TARBP1: variants seen among roughly 807,000 people sequenced by gnomAD.
The protein encoded by TARBP1 is tRNA (guanosine(18)-2'-O)-methyltransferase TARBP1.
TARBP1 carries 144 observed loss-of-function variants against 178.6 expected under a neutral mutation model. That is an observed-to-expected ratio of 0.81 (90% CI 0.70 to 0.93). The LOEUF is 0.93. Among genes scored for constraint, TARBP1 ranks in the 40% least tolerant of loss-of-function variants. TARBP1 has a pLI of 0.00. For missense variants in TARBP1, 2,067 were observed against 2,011.7 expected (o/e 1.03, Z -0.53); for synonymous variants, 787 against 781.0 (o/e 1.01, Z -0.13).
chr1:234,420,655 A>G, intron 21 of TARBP1, 47 bp downstream of exon 21: 2 of 1,265,422 alleles, frequency 1.6e-6, no homozygotes. Flanking sequence ...TAGTTCAGTC[A>G]TGAAATCATA....
intron 29 of TARBP1, 27 bp downstream of exon 29, chr1:234,392,389 A>G (rs1283697779): frequency 1.2e-6 from 2 of 1,609,720 alleles, no homozygotes; most frequent in Middle Eastern, 1.7e-4. Context: ...CTCAGAGAAT[A>G]TACTATGGAC....
intron 22 of TARBP1, among the ~76,000 whole-genome samples, chr1:234,413,012 C>T (rs188726760): frequency 1.7e-4 from 26 of 152,286 alleles, no homozygotes; most frequent in East Asian, 7.7e-4. Flanking sequence ...ACCCCCGACC[C>T]GCCGGAAAGC....
In TARBP1 at chr1:234,478,537, C is replaced by A; in HGVS notation, c.567G>T (p.Ala189=). 7.3e-7 allele frequency: 1 copy of A among 1,363,494 alleles called. No individual in the cohort carries two copies. Among genetic ancestry groups the A allele is most frequent in the South Asian group, 1.6e-5 (1 of 64,472 alleles). The allele number at this position is 1,363,494 out of a possible 1,614,324, so 84.5% of individuals were successfully genotyped here. ...CTGGCAGCAGTCGCCCGGCCACCAG[C>A]GCCGCCGCGTCCTCGGCAGGCCCGG... ...DEAGPAEDAA[A]LVAGRLLPVL... Residue 189 remains alanine, a synonymous_variant, in exon 1 of 30, where the codon GCG becomes GCT. Coordinates refer to ENST00000040877, the MANE Select transcript of TARBP1 (RefSeq NM_005646.4).
rs1666198437 is a variant in TARBP1 at position 234,446,642 on chromosome 1, A to G, written c.2134+161T>C. On this transcript the variant is annotated intron_variant, in intron 12 of 29. Coordinates refer to ENST00000040877, the MANE Select transcript of TARBP1 (RefSeq NM_005646.4). ...AATAAATATTTTTCTTAAATTATAT[A>G]ATTTCTTAATATATAATTATATAAT... Among the ~76,000 whole-genome samples the G allele has an allele frequency of 1.3e-5, 2 of 149,364 alleles. 1 individual carries two copies. The highest frequency in any genetic ancestry group is 4.2e-4 in the South Asian group (2 of 4,812).
At chr1:234,463,774 T>C (rs1245090886) in intron 6 of TARBP1, 63 bp downstream of exon 6, 3 of 938,078 alleles carry the variant, frequency 3.2e-6, no homozygotes, top group Non-Finnish European at 4.6e-6. Context: ...ATAACCAATT[T>C]GCTAAAAAAA....
intron 20 of TARBP1, among the ~76,000 whole-genome samples, chr1:234,422,422 G>C (rs270521): frequency 0.47 from 71,837 of 152,034 alleles, 17,162 homozygotes; most frequent in African/African-American, 0.5. Flanking sequence ...ATGAGATCCT[G>C]TCATCTGCAA....
intron 22 of TARBP1, 146 bp from the exon 23 acceptor site, chr1:234,410,677 C>T (rs1661717533): frequency 1.8e-6 from 1 of 568,718 alleles, no homozygotes; most frequent in Non-Finnish European, 3.2e-6. Flanking sequence ...GGGAAGGGGG[C>T]TGCGGCAACA....
chr1:234,450,610 A>AACCTTC, intron 9 of TARBP1, 44 bp from the exon 10 acceptor site: 1 of 1,581,330 alleles, frequency 6.3e-7, no homozygotes, highest in Non-Finnish European at 8.6e-7. Flanking sequence ...AAACCTAACC[A>AACCTTC]AACAAAGGAT....
intron 1 of TARBP1, among the ~76,000 whole-genome samples, chr1:234,476,933 C>T (rs987281210): frequency 6.6e-6 from 1 of 152,240 alleles, no homozygotes; most frequent in Admixed American, 6.5e-5. Context: ...CGCCTGTAAT[C>T]CCAGCGCTTT....
intron 1 of TARBP1, among the ~76,000 whole-genome samples, chr1:234,477,832 T>C (rs1301209626): frequency 1.3e-5 from 2 of 152,210 alleles, no homozygotes; most frequent in African/African-American, 4.8e-5. Flanking sequence ...ACTTGATAGA[T>C]ATCAACCGTT....
intron 12 of TARBP1, 85 bp downstream of exon 12, chr1:234,446,718 T>G: frequency 1.3e-5 from 14 of 1,098,372 alleles, no homozygotes; most frequent in Non-Finnish European, 1.6e-5. Flanking sequence ...TCTCTTTGTT[T>G]TAAAAAGACG....
chr1:234,472,029 G>C (rs911205501), intron 2 of TARBP1, among the ~76,000 whole-genome samples: 1 of 152,172 alleles, frequency 6.6e-6, no homozygotes, highest in South Asian at 2.1e-4. Context: ...TATCACCTGG[G>C]AACTTGTAAA....
intron 14 of TARBP1, among the ~76,000 whole-genome samples, chr1:234,432,997 T>C (rs1295552745): frequency 6.6e-6 from 1 of 152,228 alleles, no homozygotes; most frequent in African/African-American, 2.4e-5. Flanking sequence ...CCCAGCACTT[T>C]GGGAGGCCAA....
intron 4 of TARBP1, among the ~76,000 whole-genome samples, chr1:234,467,051 C>T (rs1218599673): frequency 6.6e-6 from 1 of 152,160 alleles, no homozygotes; most frequent in Admixed American, 6.5e-5. Context: ...AATGGAAGTA[C>T]AGATTCTAAT....
intron 24 of TARBP1, among the ~76,000 whole-genome samples, chr1:234,403,411 C>T (rs10910427): frequency 0.44 from 67,397 of 152,044 alleles, 15,014 homozygotes; most frequent in East Asian, 0.49. Context: ...CCAGACTGAA[C>T]AGTCTGTATT....
chr1:234,414,105 T>C (rs879191221), intron 22 of TARBP1, among the ~76,000 whole-genome samples: 4 of 152,146 alleles, frequency 2.6e-5, no homozygotes, highest in Admixed American at 2.6e-4. Flanking sequence ...ACTTGTTCTG[T>C]AAAGGGCCAA....
At position 234,446,927 on chromosome 1, in the gene TARBP1, A is replaced by G; in HGVS notation, c.2010T>C (p.Leu670=). The change falls in exon 12 of 30, where the codon CTT becomes CTC. Residue 670 remains leucine (L), a synonymous_variant. Coordinates refer to ENST00000040877, the MANE Select transcript of TARBP1 (RefSeq NM_005646.4). ...TACTAAACTTCATAAGCACATCCAG[A>G]AGAGGGTCTAAGAATATCCGCAATA... ...ENVLRIFLDP[L]LDVLMKFSTN... is the part of the protein sequence containing the mutation. 1 of 1,613,890 alleles carries G rather than the reference A, an allele frequency of 6.2e-7. No homozygotes were observed. The highest frequency in any genetic ancestry group is 1.1e-5 in the South Asian group (1 of 91,054).
In TARBP1 at chr1:234,446,950, A is replaced by G. The variant is rs1480294293; in HGVS notation, c.1987T>C (p.Leu663=). 1.2e-6 allele frequency: 2 copies of G among 1,613,652 alleles called. No individual in the cohort carries two copies. Among genetic ancestry groups the G allele is most frequent in the Non-Finnish European group, 1.7e-6 (2 of 1,179,736 alleles). Reference sequence around the variant, plus strand: ...AGAAGAGGGTCTAAGAATATCCGCAATACATTCTCTGTTCTCTGCTTTCCG... The same window carrying G: ...AGAAGAGGGTCTAAGAATATCCGCAGTACATTCTCTGTTCTCTGCTTTCCG... ...YSGKQRTENV[L]RIFLDPLLDV... Residue 663 remains leucine, a synonymous_variant, in exon 12 of 30, where the codon TTG becomes CTG. Transcript: ENST00000040877.
At chr1:234,393,598 G>T in intron 27 of TARBP1, 48 bp downstream of exon 27, 1 of 1,584,680 alleles carries the variant, frequency 6.3e-7, no homozygotes, top group Non-Finnish European at 8.6e-7. Context: ...AAAAAATGTT[G>T]AAGACCAAAA....
Sources: allele counts gnomAD v4.1 joint callset (sites outside exome capture counted in the v4.1 genomes callset), GRCh38; gene constraint gnomAD v4.1.1; transcripts MANE v1.5; gene names NCBI Gene and HGNC (gene_info 2026-07-23, HGNC 2026-07-21).